Variants in HECW2 observed in about 807,000 individuals in gnomAD.
HECW2 encodes the protein HECT, C2 and WW domain containing E3 ubiquitin protein ligase 2, also known as E3 ubiquitin-protein ligase HECW2.
Under a neutral mutation model 175.2 loss-of-function variants are expected in HECW2, and 61 were observed. That is an observed-to-expected ratio of 0.35 (90% confidence interval 0.28 to 0.43). HECW2 has a LOEUF of 0.43. HECW2 is among the 20% of genes least tolerant of loss of function. The pLI, the probability that HECW2 is intolerant of heterozygous loss-of-function variation, is 1.00. For missense variants in HECW2, 1,524 were observed against 2,000.5 expected (o/e 0.76, Z 4.54); for synonymous variants, 671 against 731.0 (o/e 0.92, Z 1.32).
intron 4 of HECW2, among the ~76,000 whole-genome samples, chr2:196,330,361 T>C (rs1456019069): frequency 6.6e-6 from 1 of 152,190 alleles, no homozygotes; most frequent in East Asian, 1.9e-4. Flanking sequence ...AAAACCTTCA[T>C]ATTACTCTGC....
At chr2:196,303,609 T>C (rs958313667) in intron 13 of HECW2, among the ~76,000 whole-genome samples, 3 of 152,206 alleles carry the variant, frequency 2.0e-5, no homozygotes, top group African/African-American at 7.2e-5. Context: ...TATTCATAGA[T>C]TCAATTTCAT....
intron 1 of HECW2, among the ~76,000 whole-genome samples, chr2:196,470,626 T>C (rs542086649): frequency 6.6e-6 from 1 of 152,322 alleles, no homozygotes; most frequent in East Asian, 1.9e-4. Context: ...AAAATAATTT[T>C]ACATTAGATG....
At chr2:196,436,684 G>C (rs547276250) in intron 1 of HECW2, among the ~76,000 whole-genome samples, 1 of 151,840 alleles carries the variant, frequency 6.6e-6, no homozygotes, top group Non-Finnish European at 1.5e-5. Flanking sequence ...AAAATGTATG[G>C]AGCATCTACT....
Position 196,538,193 on chromosome 2 carries a change from C to T in HECW2, c.-36+55315G>A, listed in dbSNP as rs138440690. Among the ~76,000 whole-genome samples the T allele has an allele frequency of 2.1e-3, 326 of 152,316 alleles. 1 individual carries two copies. Among genetic ancestry groups the T allele is most frequent in the African/African-American group, 7.6e-3 (314 of 41,570 alleles). On this transcript the variant is annotated intron_variant, in intron 1 of 28. Transcript: ENST00000644978. ...ACCTCCTTCCACAAAACGATTTGAC[C>T]TGAGGCATATCCTCCACTTTTTCTG... is the stretch of plus-strand genomic sequence containing the variant.
chr2:196,498,818 C>A (rs902045671), intron 1 of HECW2, among the ~76,000 whole-genome samples: 1 of 152,038 alleles, frequency 6.6e-6, no homozygotes, highest in Non-Finnish European at 1.5e-5. Flanking sequence ...AGATTTATAA[C>A]TTCCTCAATT....
At chr2:196,254,627 A>G (rs1688983885) in intron 18 of HECW2, among the ~76,000 whole-genome samples, 1 of 152,178 alleles carries the variant, frequency 6.6e-6, no homozygotes, top group South Asian at 2.1e-4. Context: ...TCTGTTTCTG[A>G]TATTCTCCTA....
At chr2:196,485,472 AGGTCT>A (rs1221031121) in intron 1 of HECW2, among the ~76,000 whole-genome samples, 7 of 152,228 alleles carry the variant, frequency 4.6e-5, no homozygotes, top group African/African-American at 1.7e-4. Context: ...AGTGAGGGCA[AGGTCT>A]CTCTGCTTCC....
At chr2:196,219,961 A>G in intron 26 of HECW2, 78 bp downstream of exon 26, 2 of 916,136 alleles carry the variant, frequency 2.2e-6, no homozygotes, top group Non-Finnish European at 3.5e-6. Flanking sequence ...TGCCTGTCCT[A>G]TATTCAGTTG....
At chr2:196,452,364 AT>A (rs2125309953) in intron 1 of HECW2, among the ~76,000 whole-genome samples, 1 of 152,340 alleles carries the variant, frequency 6.6e-6, no homozygotes, top group East Asian at 1.9e-4. Flanking sequence ...GAATTTGGCT[AT>A]TTTTAAAAAT....
rs949458275 is a variant in HECW2 at position 196,195,790 on chromosome 2, C to G, written c.*5487G>C. ...AATTCTTAAATAAAAAAATCCACAA[C>G]ATAATTTTATGCTAAATTGTCAAAT... On this transcript the variant is annotated 3_prime_UTR_variant, in exon 29 of 29. Coordinates refer to ENST00000644978, the MANE Select transcript of HECW2 (RefSeq NM_001348768.2). The G allele has an allele frequency of 6.6e-6, 1 of 152,194 alleles. No homozygotes were observed. The highest frequency in any genetic ancestry group is 1.5e-5 in the Non-Finnish European group (1 of 68,030). 9.4% of individuals were successfully genotyped at this position (152,194 alleles called of 1,614,324 possible).
chr2:196,453,666 TC>T (rs1696414551), intron 1 of HECW2, among the ~76,000 whole-genome samples: 1 of 152,156 alleles, frequency 6.6e-6, no homozygotes, highest in Admixed American at 6.5e-5. Context: ...TTAACAGAGT[TC>T]TATTTTCTTA....
rs11687028 is a variant in HECW2, at chr2:196,209,985, C to A, written c.4607+5880G>T. ...TCACCATGTTAGCCAGGATGGTCTC[C>A]ATCTCCTGACCTCGTGATCTGCCCA... is the stretch of plus-strand genomic sequence containing the variant. On this transcript the variant is annotated intron_variant, in intron 28 of 28. Transcript: ENST00000644978. 1.9e-3 allele frequency among the ~76,000 whole-genome samples: 294 copies of A among 151,992 alleles called. 2 individuals carry two copies. Among genetic ancestry groups the A allele is most frequent in the African/African-American group, 6.5e-3 (269 of 41,468 alleles).
intron 2 of HECW2, among the ~76,000 whole-genome samples, chr2:196,426,778 T>G (rs1382462849): frequency 6.6e-6 from 1 of 152,158 alleles, no homozygotes; most frequent in African/African-American, 2.4e-5. Flanking sequence ...CTGTAGGGTA[T>G]CATCATTCTA....
intron 2 of HECW2, among the ~76,000 whole-genome samples, chr2:196,355,573 C>A (rs982681338): frequency 6.6e-6 from 1 of 152,214 alleles, no homozygotes; most frequent in African/African-American, 2.4e-5. Context: ...AGGCCAAAGA[C>A]AGTTGAAAAG....
At position 196,201,011 on chromosome 2, in the gene HECW2, C is replaced by A; in HGVS notation, c.*266G>T. ...GTATGGGTTCATCTTTGTCTTGGAA[C>A]ATAACAAATGGAAAAAGTTTGGCAG... On this transcript the variant is annotated 3_prime_UTR_variant, in exon 29 of 29. Transcript: ENST00000644978. 1 of 358,042 alleles carries A rather than the reference C, an allele frequency of 2.8e-6. No homozygotes were observed. Among genetic ancestry groups the A allele is most frequent in the Non-Finnish European group, 5.3e-6 (1 of 187,072 alleles). 22.2% of individuals were successfully genotyped at this position (358,042 alleles called of 1,614,324 possible).
At chr2:196,316,441 T>C (rs1691699536) in intron 10 of HECW2, 1 of 152,080 alleles carries the variant, frequency 6.6e-6, no homozygotes, top group Non-Finnish European at 1.5e-5. Context: ...GATGGGTAAG[T>C]GGAGGGGGTG....
At chr2:196,232,373 T>C (rs1342719445) in intron 21 of HECW2, among the ~76,000 whole-genome samples, 1 of 152,194 alleles carries the variant, frequency 6.6e-6, no homozygotes, top group African/African-American at 2.4e-5. Flanking sequence ...TACATACTAG[T>C]CTGTAACTAC....
intron 19 of HECW2, among the ~76,000 whole-genome samples, chr2:196,251,390 A>C (rs576214002): frequency 1.3e-5 from 2 of 152,016 alleles, no homozygotes; most frequent in Admixed American, 1.3e-4. Flanking sequence ...CAGTTGCTTT[A>C]GTCTATACTC....
intron 6 of HECW2, among the ~76,000 whole-genome samples, chr2:196,323,899 GTTTTTTTTGTTTTTTGTTTGTTTT>G (rs1169941781): frequency 8.5e-6 from 1 of 118,142 alleles, no homozygotes; most frequent in East Asian, 2.6e-4. Flanking sequence ...GCCCTTAAGA[GTTTTTTTTGTTTTTTGTTTGTTTT>G]TTTTTTTTTT....
Sources: allele counts gnomAD v4.1 joint callset (sites outside exome capture counted in the v4.1 genomes callset), GRCh38; gene constraint gnomAD v4.1.1; transcripts MANE v1.5; gene names NCBI Gene and HGNC (gene_info 2026-07-23, HGNC 2026-07-21).